Variants in MRM2 observed in about 807,000 individuals in gnomAD.
MRM2 encodes the protein rRNA methyltransferase 2, mitochondrial.
MRM2 carries 15 observed loss-of-function variants against 10.9 expected under a neutral mutation model. That is an observed-to-expected ratio of 1.37 (90% CI 0.92 to 2.11). MRM2 has a LOEUF of 2.11. MRM2 is among the 30% of genes most tolerant of loss of function. MRM2 has a pLI of 0.00. For synonymous variants in MRM2, 139 were observed against 128.7 expected, an observed-to-expected ratio of 1.08 and a Z score of -0.54; for missense variants, 328 against 321.3, an observed-to-expected ratio of 1.02 and a Z score of -0.16.
At chr7:2,239,745 C>A (rs1229150131) in intron 1 of MRM2, 38 bp from the exon 2 acceptor site, 1 of 1,585,258 alleles carries the variant, frequency 6.3e-7, no homozygotes, top group South Asian at 1.1e-5. Flanking sequence ...GTTGGCATCA[C>A]ACAGAACGGC....
intron 2 of MRM2, 112 bp downstream of exon 2, chr7:2,239,306 A>T: frequency 9.6e-7 from 1 of 1,044,180 alleles, no homozygotes; most frequent in South Asian, 1.3e-5. Context: ...TCGGAAGCAC[A>T]CGCCTTCAAA....
intron 1 of MRM2, chr7:2,241,842 G>C (rs769761650): frequency 5.4e-6 from 2 of 373,516 alleles, no homozygotes; most frequent in Non-Finnish European, 9.6e-6. Context: ...GGAGCTACCC[G>C]GCCCAGAAGC....
Position 2,234,414 on chromosome 7 carries a change from G to A in MRM2, c.*708C>T, listed in dbSNP as rs1177201756. 1 of 152,208 alleles carries A rather than the reference G, an allele frequency of 6.6e-6. No homozygotes were observed. The highest frequency in any genetic ancestry group is 2.4e-5 in the African/African-American group (1 of 41,454). The allele number at this position is 152,208 out of a possible 1,614,324, so 9.4% of individuals were successfully genotyped here. The stretch of plus-strand genomic sequence containing the variant: ...CATACGTCTTCCCTAATTGTTCCGG[G>A]AACTTTTGCTGCTTGAAGAATGCGT... On this transcript the variant is annotated 3_prime_UTR_variant, in exon 3 of 3. Transcript: ENST00000242257.
chr7:2,238,980 TATATATATA>T lies in MRM2; in HGVS notation c.298+429_298+437del, dbSNP rs1562401548. 26 of 14,754 alleles carry T rather than the reference TATATATATA, an allele frequency of 1.8e-3. No homozygotes were observed. In the East Asian group the frequency reaches 0.021, roughly 12 times the overall value. The allele number at this position is 14,754 out of a possible 1,614,324, so 0.9% of individuals were successfully genotyped here. ...ACAAAAATAATAACAATAATAATTA[TATATATATA>T]TATATATATATATATATATATATAT... On this transcript the variant is annotated intron_variant, in intron 2 of 2. Transcript: ENST00000242257.
chr7:2,241,649 C>T (rs1292185702), intron 1 of MRM2, among the ~76,000 whole-genome samples: 1 of 152,218 alleles, frequency 6.6e-6, no homozygotes, highest in South Asian at 2.1e-4. Context: ...AGTTACCACC[C>T]TCATGGCTCC....
At chr7:2,240,830 G>A (rs956489842) in intron 1 of MRM2, among the ~76,000 whole-genome samples, 1 of 152,076 alleles carries the variant, frequency 6.6e-6, no homozygotes, top group Non-Finnish European at 1.5e-5. Context: ...AAGTAGCTGG[G>A]ATTACAGGCA....
chr7:2,239,556 A>C lies in MRM2; in HGVS notation c.160T>G (p.Cys54Gly). 3.1e-6 allele frequency: 5 copies of C among 1,614,014 alleles called. No homozygotes were observed. Among genetic ancestry groups the C allele is most frequent in the Non-Finnish European group, 4.2e-6 (5 of 1,179,998 alleles). Residue 54 changes from cysteine to glycine, a missense_variant, in exon 2 of 3, where the codon TGT becomes GGT. Coordinates refer to ENST00000242257, the MANE Select transcript of MRM2 (RefSeq NM_013393.3). ...VKAAKVESYR[C>G]RSAFKLLEVN... Reference sequence around the variant, plus strand: ...TCCAGGAGCTTGAAGGCGCTTCGACACCGGTAACTCTCCACCTTCGCAGCC... The same window carrying C: ...TCCAGGAGCTTGAAGGCGCTTCGACCCCGGTAACTCTCCACCTTCGCAGCC...
At chr7:2,242,079 C>G in intron 1 of MRM2, 83 bp downstream of exon 1, 1 of 1,443,810 alleles carries the variant, frequency 6.9e-7, no homozygotes, top group Non-Finnish European at 9.4e-7. Flanking sequence ...CACCCAGCCC[C>G]GAGGCCAGGA....
At chr7:2,240,240 T>C in intron 1 of MRM2, 1 of 455,016 alleles carries the variant, frequency 2.2e-6, no homozygotes, top group Non-Finnish European at 4.4e-6. Flanking sequence ...ACTAAATACA[T>C]CAATTAATTA....
rs1285656888 is a variant in MRM2 at position 2,234,969 on chromosome 7, A to AAGAG, written c.*149_*152dup. ...GTTTTGTCATCTCTTTTTGGTTAAAAAGAGAGAGAGAGAAAGAGAGAGAGA... is the reference window on the plus strand; with the variant it reads ...GTTTTGTCATCTCTTTTTGGTTAAAAAGAGAGAGAGAGAGAGAAAGAGAGAGAGA... On this transcript the variant is annotated 3_prime_UTR_variant, in exon 3 of 3. Transcript: ENST00000242257. 1.6e-6 allele frequency: 1 copy of AAGAG among 622,028 alleles called. No individual in the cohort carries two copies. The highest frequency in any genetic ancestry group is 1.8e-5 in the African/African-American group (1 of 54,100). The allele number at this position is 622,028 out of a possible 1,614,324, so 38.5% of individuals were successfully genotyped here.
At chr7:2,237,840 G>A (rs543364538) in intron 2 of MRM2, among the ~76,000 whole-genome samples, 24 of 146,968 alleles carry the variant, frequency 1.6e-4, no homozygotes, top group South Asian at 6.4e-4. Flanking sequence ...ACAGTGAGCC[G>A]AGATGGCGCC....
intron 2 of MRM2, chr7:2,237,913 A>AAAAAC (rs1794447790): frequency 1.3e-5 from 2 of 151,936 alleles, no homozygotes. Flanking sequence ...AAAAAAAAAA[A>AAAAAC]AATGCTGTTG....
chr7:2,235,448 T>A lies in MRM2; in HGVS notation c.415A>T (p.Ile139Phe). The change falls in exon 3 of 3, where the codon ATC becomes TTC. Residue 139 changes from isoleucine to phenylalanine, a missense_variant. Physicochemically the swap from Ile to Phe is conservative, Grantham distance 21. Coordinates refer to ENST00000242257, the MANE Select transcript of MRM2 (RefSeq NM_013393.3). ...DVTDPRTSQR[I>F]LEVLPGRRAD... ...CTCCTGCCAGGAAGCACCTCGAGGA[T>A]TCTCTGTGAGGTTCTCGGGTCAGTC... The A allele has an allele frequency of 6.2e-7, 1 of 1,613,372 alleles. No individual in the cohort carries two copies. Among genetic ancestry groups the A allele is most frequent in the Non-Finnish European group, 8.5e-7 (1 of 1,179,428 alleles).
At chr7:2,236,841 G>A (rs1421298652) in intron 2 of MRM2, among the ~76,000 whole-genome samples, 1 of 152,150 alleles carries the variant, frequency 6.6e-6, no homozygotes, top group African/African-American at 2.4e-5. Flanking sequence ...CTGTTGGGGA[G>A]ATGGGGGCGT....
chr7:2,236,155 G>A (rs966062464), intron 2 of MRM2, among the ~76,000 whole-genome samples: 20 of 152,134 alleles, frequency 1.3e-4, no homozygotes, highest in African/African-American at 4.6e-4. Context: ...GCTTGAACCC[G>A]GGAAGCGGAG....
Position 2,235,173 on chromosome 7 carries a change from C to A in MRM2, c.690G>T (p.Val230=). The part of the protein sequence containing the change: ...PEASRKESSE[V]YFLATQYHGR... ...CGTGGTACTGTGTGGCCAAGAAGTACACTTCTGATGACTCTTTCCTGCTGG... is the reference window on the plus strand; with the variant it reads ...CGTGGTACTGTGTGGCCAAGAAGTAAACTTCTGATGACTCTTTCCTGCTGG... The change falls in exon 3 of 3, where the codon GTG becomes GTT. Residue 230 remains valine (V), a synonymous_variant. Coordinates refer to ENST00000242257, the MANE Select transcript of MRM2 (RefSeq NM_013393.3). 6.2e-7 allele frequency: 1 copy of A among 1,614,120 alleles called. No individual in the cohort carries two copies. Among genetic ancestry groups the A allele is most frequent in the Non-Finnish European group, 8.5e-7 (1 of 1,179,974 alleles).
chr7:2,237,470 A>T (rs1794438111), intron 2 of MRM2, among the ~76,000 whole-genome samples: 1 of 152,140 alleles, frequency 6.6e-6, no homozygotes, highest in African/African-American at 2.4e-5. Context: ...TCCTCCTACA[A>T]GGCACGCTGG....
chr7:2,239,462 G>T lies in MRM2; in HGVS notation c.254C>A (p.Ala85Asp). Residue 85 changes from alanine to aspartate, a missense_variant, in exon 2 of 3, where the codon GCC (alanine) becomes GAC (aspartate). Coordinates refer to ENST00000242257, the MANE Select transcript of MRM2 (RefSeq NM_013393.3). ...RVLDCGAAPG[A>D]WSQVAVQKVN... ...CTTCTGCACCGCCACCTGACTCCAG[G>T]CCCCAGGAGCTGCCCCACAGTCTAA... 6.2e-7 allele frequency: 1 copy of T among 1,613,230 alleles called. No individual in the cohort carries two copies. The highest frequency in any genetic ancestry group is 8.5e-7 in the Non-Finnish European group (1 of 1,179,748).
At chr7:2,235,707 C>G in intron 2 of MRM2, 143 bp from the exon 3 acceptor site, 1 of 627,790 alleles carries the variant, frequency 1.6e-6, no homozygotes, top group South Asian at 2.0e-5. Flanking sequence ...TAAACACAGG[C>G]CTTCTCTATC....
Sources: gnomAD v4.1 joint callset for allele counts (sites outside exome capture counted in the v4.1 genomes callset) on GRCh38, gnomAD v4.1.1 for gene constraint, MANE v1.5 for transcripts, NCBI Gene and HGNC (gene_info 2026-07-23, HGNC 2026-07-21) for gene names.